Variants in PPP4R3B observed in about 807,000 individuals in gnomAD.
PPP4R3B encodes the protein serine/threonine-protein phosphatase 4 regulatory subunit 3B.
PPP4R3B carries 52 observed loss-of-function variants against 95.4 expected under a neutral mutation model. The ratio of observed to expected loss-of-function variants is 0.54; its 90% CI spans 0.44 to 0.69. The LOEUF is 0.69. Among genes scored for constraint, PPP4R3B ranks in the 30% least tolerant of loss-of-function variants. PPP4R3B has a pLI of 0.00. For missense variants in PPP4R3B, 1,003 were observed against 1,005.9 expected (o/e 1.00, Z 0.04); for synonymous variants, 407 against 343.9 (o/e 1.18, Z -2.03).
chr2:55,617,097 C>A, intron 1 of PPP4R3B, 47 bp downstream of exon 1: 1 of 1,548,660 alleles, frequency 6.5e-7, no homozygotes, highest in South Asian at 1.2e-5. Flanking sequence ...CAAGCTGTGC[C>A]CCAACCAGAG....
Position 55,549,947 on chromosome 2 carries a change from T to G in PPP4R3B, c.2514A>C (p.Glu838Asp). The change falls in exon 17 of 17, where the codon GAA (glutamate) becomes GAC (aspartate). Residue 838 changes from glutamate (E) to aspartate (D), a missense_variant. By Grantham distance (45) the Glu-to-Asp change is conservative (BLOSUM62 2). This residue lies in a region of PPP4R3B where 229 missense variants were observed against 194.7 expected (regional missense o/e 1.18). Transcript: ENST00000616407. ...GACGAGGTCTTTTCCTGGGGGACGA[T>G]TCTTCTTCTTCATCTTCCTCTTCAT... The part of the protein sequence containing the change: ...PDDEEEDEEE[E>D]SSPRKRPRLG... The G allele has an allele frequency of 6.2e-7, 1 of 1,612,106 alleles. No individual in the cohort carries two copies. Among genetic ancestry groups the G allele is most frequent in the East Asian group, 2.2e-5 (1 of 44,816 alleles).
At position 55,547,403 on chromosome 2, in the gene PPP4R3B, C is replaced by T. The variant is rs3199265; in HGVS notation, c.*2508G>A. 8.5e-5 allele frequency: 13 copies of T among 152,246 alleles called. No individual in the cohort carries two copies. Among genetic ancestry groups the T allele is most frequent in the South Asian group, 2.1e-4 (1 of 4,828 alleles). The allele number at this position is 152,246 out of a possible 1,614,324, so 9.4% of individuals were successfully genotyped here. A position where few individuals can be genotyped will look rare whatever the true frequency, so the allele number is the denominator to read the frequency against. On this transcript the variant is annotated 3_prime_UTR_variant, in exon 17 of 17. Coordinates refer to ENST00000616407, the MANE Select transcript of PPP4R3B (RefSeq NM_001122964.3). Reference sequence around the variant, plus strand: ...AAATGTGGGCTTTTGGCTTGCTTCACTGAATGAAGATAAAGATATAAAAAC... The same window carrying T: ...AAATGTGGGCTTTTGGCTTGCTTCATTGAATGAAGATAAAGATATAAAAAC...
At chr2:55,553,658 T>C (rs370782206) in intron 16 of PPP4R3B, among the ~76,000 whole-genome samples, 1 of 152,084 alleles carries the variant, frequency 6.6e-6, no homozygotes, top group Non-Finnish European at 1.5e-5. Context: ...ACTTTGTTTC[T>C]GCGGATTTGC....
chr2:55,590,610 G>C (rs1574835052), intron 4 of PPP4R3B, among the ~76,000 whole-genome samples: 1 of 152,138 alleles, frequency 6.6e-6, no homozygotes, highest in Non-Finnish European at 1.5e-5. Flanking sequence ...TAAAAAAACT[G>C]ATGGAAATTG....
Position 55,564,510 on chromosome 2 carries a change from T to G in PPP4R3B, c.2076-13A>C, listed in dbSNP as rs755561398. 2 of 1,568,300 alleles carry G rather than the reference T, an allele frequency of 1.3e-6. No individual in the cohort carries two copies. Among genetic ancestry groups the G allele is most frequent in the African/African-American group, 1.4e-5 (1 of 72,454 alleles). ...TATAGATGGTACACTGTAAGAAATA[T>G]ATCACAAATATTGAGTAATGATTTA... is the stretch of plus-strand genomic sequence containing the variant. On this transcript the variant is annotated splice_polypyrimidine_tract_variant and intron_variant, in intron 14 of 16. Transcript: ENST00000616407.
At chr2:55,564,826 C>T in intron 14 of PPP4R3B, 76 bp downstream of exon 14, 1 of 1,543,914 alleles carries the variant, frequency 6.5e-7, no homozygotes, top group East Asian at 2.3e-5. Flanking sequence ...CAGTAAATTT[C>T]ACATGGAAAA....
At chr2:55,614,715 T>C (rs1694660745) in intron 2 of PPP4R3B, 1 of 152,210 alleles carries the variant, frequency 6.6e-6, no homozygotes, top group Admixed American at 6.5e-5. Flanking sequence ...ATTACAAAAA[T>C]ATTTGAAACA....
At position 55,564,465 on chromosome 2, in the gene PPP4R3B, C is replaced by T. The variant is rs769286390; in HGVS notation, c.2108G>A (p.Arg703His). The T allele has an allele frequency of 2.7e-5, 44 of 1,611,764 alleles. No homozygotes were observed. The highest frequency in any genetic ancestry group is 2.2e-4 in the Admixed American group (13 of 59,534). Residue 703 changes from arginine to histidine, a missense_variant, in exon 15 of 17, where the codon CGC becomes CAC. Physicochemically the swap from Arg to His is conservative, Grantham distance 29 (BLOSUM62 0). Coordinates refer to ENST00000616407, the MANE Select transcript of PPP4R3B (RefSeq NM_001122964.3). ...VPSILRSNRFRRDAKALEEDE... is the reference protein window; with the variant it reads ...VPSILRSNRFHRDAKALEEDE... ...CTCTTCCAAGGCTTTTGCATCTCTG[C>T]GAAATCTGTTACTACGCAATATAGA... is the stretch of plus-strand genomic sequence containing the variant.
At chr2:55,580,214 T>TA (rs1689268731) in intron 8 of PPP4R3B, among the ~76,000 whole-genome samples, 1 of 152,174 alleles carries the variant, frequency 6.6e-6, no homozygotes, top group Non-Finnish European at 1.5e-5. Context: ...AACAATGTAT[T>TA]ACACTTGCAA....
intron 5 of PPP4R3B, among the ~76,000 whole-genome samples, chr2:55,587,770 T>C (rs1433248794): frequency 6.6e-6 from 1 of 152,172 alleles, no homozygotes; most frequent in Non-Finnish European, 1.5e-5. Context: ...AAAAACATAA[T>C]ACTGGTTTAA....
chr2:55,550,057 G>A, intron 16 of PPP4R3B, 51 bp from the exon 17 acceptor site: 1 of 1,169,136 alleles, frequency 8.6e-7, no homozygotes, highest in Non-Finnish European at 1.2e-6. Context: ...ACAAAAAAGA[G>A]CTTTTAGTAC....
At chr2:55,570,543 C>A (rs1322211004) in intron 12 of PPP4R3B, among the ~76,000 whole-genome samples, 1 of 152,146 alleles carries the variant, frequency 6.6e-6, no homozygotes, top group East Asian at 1.9e-4. Context: ...TAATTTCAAT[C>A]CTTTATTTTT....
intron 16 of PPP4R3B, among the ~76,000 whole-genome samples, chr2:55,551,803 C>T (rs956737715): frequency 6.6e-6 from 1 of 151,962 alleles, no homozygotes; most frequent in Non-Finnish European, 1.5e-5. Context: ...TAAAGCACTT[C>T]AGCACAGTGC....
chr2:55,572,752 A>T (rs1047167185), intron 12 of PPP4R3B, among the ~76,000 whole-genome samples: 5 of 152,218 alleles, frequency 3.3e-5, no homozygotes, highest in African/African-American at 1.2e-4. Flanking sequence ...AGATTTATGT[A>T]CTAGACTATT....
At chr2:55,556,978 A>G (rs1479982690) in intron 16 of PPP4R3B, among the ~76,000 whole-genome samples, 1 of 152,106 alleles carries the variant, frequency 6.6e-6, no homozygotes, top group East Asian at 1.9e-4. Context: ...TGGGAGGATC[A>G]GTTGAGCCCA....
At chr2:55,578,189 A>G in intron 10 of PPP4R3B, 58 bp downstream of exon 10, 1 of 1,312,130 alleles carries the variant, frequency 7.6e-7, no homozygotes. Flanking sequence ...AATACCGTAT[A>G]TACACATCAT....
chr2:55,552,632 G>T (rs1685378821), intron 16 of PPP4R3B, among the ~76,000 whole-genome samples: 1 of 152,128 alleles, frequency 6.6e-6, no homozygotes, highest in African/African-American at 2.4e-5. Flanking sequence ...GGCCTCAAGT[G>T]ATCTGCCCAC....
Position 55,549,727 on chromosome 2 carries a change from C to G in PPP4R3B, c.*184G>C. On this transcript the variant is annotated 3_prime_UTR_variant, in exon 17 of 17. Transcript: ENST00000616407. ...GGCAAACCCCTTAATTACTAGCAAG[C>G]AATCAAGTTCCTGGGAAGCCTGATT... 1.8e-6 allele frequency: 1 copy of G among 552,230 alleles called. No homozygotes were observed. Among genetic ancestry groups the G allele is most frequent in the South Asian group, 2.4e-5 (1 of 42,356 alleles). 34.2% of individuals were successfully genotyped at this position (552,230 alleles called of 1,614,324 possible). A position where few individuals can be genotyped will look rare whatever the true frequency, so the allele number is the denominator to read the frequency against.
intron 5 of PPP4R3B, among the ~76,000 whole-genome samples, chr2:55,588,591 G>A (rs989722834): frequency 6.6e-6 from 1 of 151,656 alleles, no homozygotes; most frequent in African/African-American, 2.4e-5. Flanking sequence ...TATGAATTTT[G>A]TAGTTCTGTT....
Sources: gnomAD v4.1 joint callset for allele counts (sites outside exome capture counted in the v4.1 genomes callset) on GRCh38, gnomAD v4.1.1 for gene constraint, gnomAD v4.1.1 regional missense constraint, MANE v1.5 for transcripts, NCBI Gene and HGNC (gene_info 2026-07-23, HGNC 2026-07-21) for gene names.